The following MAML3 variants were observed in gnomAD, a reference collection of about 807,000 sequenced individuals.
MAML3 encodes the protein mastermind-like protein 3.
A neutral mutation model predicts 101.9 loss-of-function variants in MAML3; 27 were observed. That is an observed-to-expected ratio of 0.27 (90% CI 0.20 to 0.37). The LOEUF (loss-of-function observed/expected upper bound fraction) is 0.37, where lower values mean the gene tolerates loss of function less well. Among genes scored for constraint, MAML3 ranks in the 10% least tolerant of loss-of-function variants. The pLI is 1.00. For synonymous variants in MAML3, 501 were observed against 555.9 expected, an observed-to-expected ratio of 0.90 and a Z score of 1.39; for missense variants, 1,316 against 1,444.9, an observed-to-expected ratio of 0.91 and a Z score of 1.45.
chr4:139,831,024 T>C (rs1731156088), intron 2 of MAML3, among the ~76,000 whole-genome samples: 1 of 152,166 alleles, frequency 6.6e-6, no homozygotes, highest in Admixed American at 6.5e-5. Context: ...GATAAGGAGA[T>C]CAGTAAAAAA....
chr4:139,848,819 T>A (rs553371473), intron 2 of MAML3, among the ~76,000 whole-genome samples: 2 of 152,328 alleles, frequency 1.3e-5, no homozygotes, highest in African/African-American at 4.8e-5. Context: ...TAGAGGAAAT[T>A]CAATACACAG....
intron 1 of MAML3, among the ~76,000 whole-genome samples, chr4:140,019,740 G>A (rs561941132): frequency 1.3e-5 from 2 of 152,290 alleles, no homozygotes; most frequent in East Asian, 3.9e-4. Context: ...CACAAAGACT[G>A]CAAGGTCCTT....
chr4:139,838,163 GC>G (rs1048361888), intron 2 of MAML3, among the ~76,000 whole-genome samples: 12 of 151,950 alleles, frequency 7.9e-5, no homozygotes, highest in Admixed American at 7.2e-4. Flanking sequence ...GTAGCTGGAG[GC>G]CACCTTGTAT....
In MAML3 at chr4:139,889,590, T is replaced by C; in HGVS notation, c.1846A>G (p.Met616Val). 6.2e-7 allele frequency: 1 copy of C among 1,613,904 alleles called. No homozygotes were observed. Among genetic ancestry groups the C allele is most frequent in the Non-Finnish European group, 8.5e-7 (1 of 1,179,870 alleles). ...TTGGGGTTGGCCACTGGTGGTGTCA[T>C]CCTCTGACTCAGGTCTGCATTGAAG... ...THFNADLSQR[M>V]TPPVANPNKN... The change falls in exon 2 of 5, where the codon ATG (methionine) becomes GTG (valine). Residue 616 changes from methionine (M) to valine (V), a missense_variant. Transcript: ENST00000509479.
At chr4:139,736,260 C>A (rs1439911590) in intron 2 of MAML3, among the ~76,000 whole-genome samples, 1 of 152,164 alleles carries the variant, frequency 6.6e-6, no homozygotes, top group African/African-American at 2.4e-5. Flanking sequence ...TCACCAGAAT[C>A]CAGAGGCTTT....
At chr4:140,014,089 T>G (rs938899227) in intron 1 of MAML3, among the ~76,000 whole-genome samples, 8 of 152,238 alleles carry the variant, frequency 5.3e-5, no homozygotes, top group African/African-American at 1.9e-4. Flanking sequence ...ATCTCCTAAA[T>G]TGGCCTTATA....
chr4:139,719,432 C>A lies in MAML3; in HGVS notation c.3308G>T (p.Gly1103Val), dbSNP rs1192052716. 1 of 1,613,900 alleles carries A rather than the reference C, an allele frequency of 6.2e-7. No individual in the cohort carries two copies. Among genetic ancestry groups the A allele is most frequent in the Non-Finnish European group, 8.5e-7 (1 of 1,179,914 alleles). The change falls in exon 5 of 5, where the codon GGT becomes GTT. Residue 1103 changes from glycine to valine, a missense_variant. Transcript: ENST00000509479. ...ACCGTCCGGGAGGCCAGGGAAGGAA[C>A]CCCCAGCTCCGTCGCCACTGTAATT... ...SYNYSGDGAG[G>V]SFPGLPDGAD...
At chr4:140,031,346 T>C (rs1227980581) in intron 1 of MAML3, among the ~76,000 whole-genome samples, 1 of 152,228 alleles carries the variant, frequency 6.6e-6, no homozygotes, top group Non-Finnish European at 1.5e-5. Context: ...TTTGTGTGTA[T>C]AATATTATTA....
intron 1 of MAML3, among the ~76,000 whole-genome samples, chr4:140,048,162 T>A (rs756106268): frequency 1.3e-5 from 2 of 152,144 alleles, no homozygotes; most frequent in Non-Finnish European, 2.9e-5. Flanking sequence ...GTGGACTGGA[T>A]TTCTGGCCCA....
At chr4:139,837,518 CACAA>C (rs779025909) in intron 2 of MAML3, among the ~76,000 whole-genome samples, 56 of 151,720 alleles carry the variant, frequency 3.7e-4, no homozygotes, top group Non-Finnish European at 6.5e-4. Flanking sequence ...CAAACAAACA[CACAA>C]ACAAACAAAA....
At chr4:139,801,660 GTGTGTGTGTGTGTGTGTGTGTC>G (rs1730610164) in intron 2 of MAML3, among the ~76,000 whole-genome samples, 1 of 17,030 alleles carries the variant, frequency 5.9e-5, no homozygotes, top group Non-Finnish European at 1.6e-4. Context: ...GTGTGTGTGT[GTGTGTGTGTGTGTGTGTGTGTC>G]TGTGTGTGTG....
Position 139,879,353 on chromosome 4 carries a change from C to T in MAML3, c.2079+10004G>A, listed in dbSNP as rs150206887. Among the ~76,000 whole-genome samples, 341 of 151,466 alleles carry T rather than the reference C, an allele frequency of 2.3e-3. 1 individual carries two copies. The highest frequency in any genetic ancestry group is 7.5e-3 in the African/African-American group (308 of 41,256). Reference sequence around the variant, plus strand: ...CCAGCCTGGCCAACATGGTGAAACCCCATGTCTACTAAAAATACAAAAATT... The same window carrying T: ...CCAGCCTGGCCAACATGGTGAAACCTCATGTCTACTAAAAATACAAAAATT... On this transcript the variant is annotated intron_variant, in intron 2 of 4. Coordinates refer to ENST00000509479, the MANE Select transcript of MAML3 (RefSeq NM_018717.5).
chr4:139,967,318 T>C (rs1364368462), intron 1 of MAML3, among the ~76,000 whole-genome samples: 1 of 152,170 alleles, frequency 6.6e-6, no homozygotes, highest in Non-Finnish European at 1.5e-5. Context: ...GTGCCCTTCC[T>C]GTGGGTAGCA....
intron 2 of MAML3, among the ~76,000 whole-genome samples, chr4:139,847,320 G>A (rs1171684294): frequency 6.6e-6 from 1 of 152,170 alleles, no homozygotes; most frequent in Admixed American, 6.5e-5. Context: ...AGCATGGAGA[G>A]TACAAGATCA....
chr4:139,987,356 T>C (rs1166673133), intron 1 of MAML3, among the ~76,000 whole-genome samples: 3 of 152,190 alleles, frequency 2.0e-5, no homozygotes, highest in South Asian at 2.1e-4. Context: ...CAGATGTCGA[T>C]TGTTTCTGAA....
rs1730097281 is a variant in MAML3 at position 139,776,409 on chromosome 4, A to G, written c.2080-45742T>C. Among the ~76,000 whole-genome samples, 3 of 151,970 alleles carry G rather than the reference A, an allele frequency of 2.0e-5. No individual in the cohort carries two copies. The South Asian group carries it at 6.2e-4, about 32-fold the overall frequency. ...TGCTTTCTCTGGAACCCTTCTTGGG[A>G]GGGTTAAGGAAGTGACTCTGCAGAT... On this transcript the variant is annotated intron_variant, in intron 2 of 4. Coordinates refer to ENST00000509479, the MANE Select transcript of MAML3 (RefSeq NM_018717.5).
At chr4:140,039,133 A>G (rs952156795) in intron 1 of MAML3, among the ~76,000 whole-genome samples, 3 of 152,226 alleles carry the variant, frequency 2.0e-5, no homozygotes, top group Non-Finnish European at 2.9e-5. Context: ...AAAAAAAGAA[A>G]AAAAAGAAAA....
Position 139,959,747 on chromosome 4 carries a change from A to C in MAML3, c.469-68780T>G, listed in dbSNP as rs112529073. ...GCTGATTTCTTCCATGCTGCTAGTG[A>C]AATATAAATGTATCTTTTGTTTGAG... On this transcript the variant is annotated intron_variant, in intron 1 of 4. Coordinates refer to ENST00000509479, the MANE Select transcript of MAML3 (RefSeq NM_018717.5). Among the ~76,000 whole-genome samples, 768 of 152,326 alleles carry C rather than the reference A, an allele frequency of 5.0e-3. 7 individuals carry two copies. The highest frequency in any genetic ancestry group is 0.018 in the African/African-American group (733 of 41,560).
chr4:139,986,981 T>C (rs1374156600), intron 1 of MAML3, among the ~76,000 whole-genome samples: 1 of 152,198 alleles, frequency 6.6e-6, no homozygotes, highest in Non-Finnish European at 1.5e-5. Flanking sequence ...CCAGTAATGA[T>C]ACCAATCAAA....
Sources: gnomAD v4.1 joint callset for allele counts (sites outside exome capture counted in the v4.1 genomes callset) on GRCh38, gnomAD v4.1.1 for gene constraint, MANE v1.5 for transcripts, NCBI Gene and HGNC (gene_info 2026-07-23, HGNC 2026-07-21) for gene names.